Variants in ATP10B observed in about 807,000 individuals in gnomAD.
ATP10B encodes the protein phospholipid-transporting ATPase VB.
ATP10B carries 122 observed loss-of-function variants against 141.2 expected under a neutral mutation model. The observed-to-expected ratio is 0.86, with a 90% CI of 0.75 to 1.00. ATP10B has a LOEUF of 1.00. Ranked by LOEUF, ATP10B falls within the 50% of genes least tolerant of loss-of-function variation. The pLI is 0.00. For missense variants in ATP10B, 1,876 were observed against 1,825.3 expected (o/e 1.03, Z -0.51); for synonymous variants, 685 against 692.0 (o/e 0.99, Z 0.16).
chr5:160,670,359 T>A (rs891177300), intron 7 of ATP10B, 104 bp downstream of exon 7: 13 of 1,088,036 alleles, frequency 1.2e-5, no homozygotes, highest in Non-Finnish European at 1.8e-5. Flanking sequence ...AGGAGGCATC[T>A]ACTACTTTCC....
chr5:160,576,963 C>T (rs1755231313), intron 24 of ATP10B, among the ~76,000 whole-genome samples: 1 of 152,172 alleles, frequency 6.6e-6, no homozygotes, highest in African/African-American at 2.4e-5. Flanking sequence ...GGAGGATCTT[C>T]TGAACACATT....
chr5:160,863,480 A>G, the ATP10B span, among the ~76,000 whole-genome samples: 54 of 152,186 alleles, frequency 3.5e-4, no homozygotes, highest in Middle Eastern at 3.4e-3. Flanking sequence ...AGGAAAGTTC[A>G]TAGCATTAAA....
intron 1 of ATP10B, among the ~76,000 whole-genome samples, chr5:160,787,824 A>G (rs2127899889): frequency 6.6e-6 from 1 of 152,228 alleles, no homozygotes; most frequent in East Asian, 1.9e-4. Flanking sequence ...TGTGTGCTAG[A>G]TCAGAAGTTA....
intron 13 of ATP10B, among the ~76,000 whole-genome samples, chr5:160,630,166 C>T (rs759044162): frequency 2.0e-5 from 3 of 152,206 alleles, no homozygotes; most frequent in East Asian, 1.9e-4. Context: ...ACCATCTTCC[C>T]TTCACCAGGC....
At chr5:160,634,206 G>A in intron 12 of ATP10B, 148 bp downstream of exon 12, 1 of 1,079,050 alleles carries the variant, frequency 9.3e-7, no homozygotes, top group Non-Finnish European at 1.4e-6. Flanking sequence ...CTGTGACAAG[G>A]AAGACCACAG....
chr5:160,823,473 G>A (rs1774331660), intron 1 of ATP10B, among the ~76,000 whole-genome samples: 1 of 152,104 alleles, frequency 6.6e-6, no homozygotes, highest in South Asian at 2.1e-4. Context: ...GATAGGTATG[G>A]CAAACCACCG....
chr5:160,857,730 T>C, the ATP10B span, among the ~76,000 whole-genome samples: 1 of 151,850 alleles, frequency 6.6e-6, no homozygotes, highest in South Asian at 2.1e-4. Flanking sequence ...TTCAGTTCAA[T>C]GTATTTTTCC....
chr5:160,648,376 T>C (rs887740464), intron 8 of ATP10B, among the ~76,000 whole-genome samples: 12 of 152,190 alleles, frequency 7.9e-5, no homozygotes, highest in African/African-American at 2.4e-4. Flanking sequence ...GTGTATTTTA[T>C]GTGTGGCCCA....
intron 13 of ATP10B, among the ~76,000 whole-genome samples, chr5:160,627,883 A>T (rs1758691295): frequency 6.6e-6 from 1 of 152,238 alleles, no homozygotes; most frequent in South Asian, 2.1e-4. Context: ...GACACACAGA[A>T]GCTGCTAATC....
chr5:160,864,426 T>C, the ATP10B span, among the ~76,000 whole-genome samples: 1 of 151,980 alleles, frequency 6.6e-6, no homozygotes, highest in African/African-American at 2.4e-5. Flanking sequence ...AGAAGGGACA[T>C]ACCTCAAAGT....
intron 2 of ATP10B, among the ~76,000 whole-genome samples, chr5:160,782,473 ACACACACT>A (rs1367100987): frequency 2.0e-5 from 3 of 149,072 alleles, no homozygotes; most frequent in East Asian, 3.9e-4. Context: ...ACACACACAC[ACACACACT>A]CACTCACTTT....
the ATP10B span, among the ~76,000 whole-genome samples, chr5:160,925,418 G>A: frequency 6.6e-6 from 1 of 152,200 alleles, no homozygotes; most frequent in East Asian, 1.9e-4. Flanking sequence ...ACCCCCGTTT[G>A]TAGACGGGGA....
chr5:160,621,833 A>AT (rs549218912), intron 14 of ATP10B, among the ~76,000 whole-genome samples: 32 of 152,272 alleles, frequency 2.1e-4, no homozygotes, highest in Middle Eastern at 6.8e-3. Flanking sequence ...ATTCAGCTGC[A>AT]TTTTTTTCCA....
At chr5:160,592,932 C>T (rs1406391883) in intron 22 of ATP10B, among the ~76,000 whole-genome samples, 1 of 152,236 alleles carries the variant, frequency 6.6e-6, no homozygotes, top group Non-Finnish European at 1.5e-5. Flanking sequence ...TGGGTGGAGC[C>T]CACCACAGCT....
chr5:160,716,753 C>T (rs1307138174), intron 3 of ATP10B, among the ~76,000 whole-genome samples, 156 bp downstream of exon 3: 1 of 152,188 alleles, frequency 6.6e-6, no homozygotes. Context: ...CACCAAGGTC[C>T]TGCGGGACCC....
At chr5:160,891,595 G>A in the ATP10B span, among the ~76,000 whole-genome samples, 4 of 152,200 alleles carry the variant, frequency 2.6e-5, no homozygotes, top group African/African-American at 7.2e-5. Flanking sequence ...GAGCCACCAC[G>A]CTAGAGTAAT....
At chr5:160,842,998 G>A (rs930219076) in intron 1 of ATP10B, among the ~76,000 whole-genome samples, 1 of 152,022 alleles carries the variant, frequency 6.6e-6, no homozygotes, top group African/African-American at 2.4e-5. Flanking sequence ...TAAATAAAAT[G>A]AAAGAAAAAT....
the ATP10B span, among the ~76,000 whole-genome samples, chr5:160,927,747 C>T: frequency 1.3e-5 from 2 of 152,212 alleles, no homozygotes; most frequent in Non-Finnish European, 2.9e-5. Flanking sequence ...AAGGTCTCTA[C>T]ACTCATGGGA....
the ATP10B span, among the ~76,000 whole-genome samples, chr5:160,908,381 C>A: frequency 6.6e-6 from 1 of 152,130 alleles, no homozygotes; most frequent in African/African-American, 2.4e-5. Flanking sequence ...TCCTCTGCCA[C>A]TTATTGAATG....
Sources: gnomAD v4.1 joint callset for allele counts (sites outside exome capture counted in the v4.1 genomes callset) on GRCh38, gnomAD v4.1.1 for gene constraint, MANE v1.5 for transcripts, NCBI Gene and HGNC (gene_info 2026-07-23, HGNC 2026-07-21) for gene names.